The following HYDIN variants were observed in gnomAD, a reference collection of about 807,000 sequenced individuals.
HYDIN encodes the protein axonemal central pair apparatus protein HYDIN.
A neutral mutation model predicts 403.9 loss-of-function variants in HYDIN; 132 were observed. The observed-to-expected ratio is 0.33, with a 90% CI of 0.28 to 0.38. The LOEUF is 0.38. HYDIN is among the 10% of genes least tolerant of loss of function. The pLI is 1.00. For missense variants in HYDIN, 2,827 were observed against 5,009.5 expected (o/e 0.56, Z 13.15); for synonymous variants, 1,202 against 1,891.7 (o/e 0.64, Z 9.46).
intron 28 of HYDIN, among the ~76,000 whole-genome samples, chr16:70,982,020 C>T (rs574417622): frequency 3.3e-5 from 5 of 149,450 alleles, no homozygotes; most frequent in South Asian, 4.3e-4. Flanking sequence ...CCCAGCTACT[C>T]GGGAGGCTGA....
chr16:70,836,287 T>A (rs2037421041), intron 77 of HYDIN, among the ~76,000 whole-genome samples: 1 of 152,120 alleles, frequency 6.6e-6, no homozygotes, highest in Non-Finnish European at 1.5e-5. Flanking sequence ...GGCCTGAGGC[T>A]GGGAGCTAGG....
intron 10 of HYDIN, among the ~76,000 whole-genome samples, chr16:71,104,236 A>G (rs1259326217): frequency 1.3e-5 from 2 of 151,992 alleles, no homozygotes; most frequent in Non-Finnish European, 2.9e-5. Flanking sequence ...GGATTCTGAT[A>G]CAGATTCTCT....
At chr16:70,902,819 ATATT>A (rs1467325327) in intron 52 of HYDIN, among the ~76,000 whole-genome samples, 3 of 17,208 alleles carry the variant, frequency 1.7e-4, no homozygotes, top group East Asian at 1.4e-3. Flanking sequence ...ATATATATAT[ATATT>A]TTTTTTTTTT....
chr16:71,163,537 G>A (rs7193691), intron 5 of HYDIN, among the ~76,000 whole-genome samples: 60 of 150,964 alleles, frequency 4.0e-4, no homozygotes, highest in African/African-American at 1.4e-3. Flanking sequence ...CAAGGTGGCC[G>A]AAGTTATGCT....
intron 8 of HYDIN, among the ~76,000 whole-genome samples, chr16:71,133,443 A>G (rs553094370): frequency 6.4e-4 from 97 of 152,358 alleles, no homozygotes; most frequent in African/African-American, 2.3e-3. Flanking sequence ...TCTAAACATA[A>G]CTGAGATTAA....
intron 10 of HYDIN, among the ~76,000 whole-genome samples, chr16:71,104,072 T>C (rs1398172997): frequency 6.6e-6 from 1 of 151,964 alleles, no homozygotes; most frequent in Admixed American, 6.6e-5. Context: ...GTCCTCTGTA[T>C]AGATCTCATA....
chr16:70,941,564 G>C, intron 43 of HYDIN, 72 bp downstream of exon 43: 7 of 1,193,064 alleles, frequency 5.9e-6, no homozygotes, highest in African/African-American at 1.6e-5. Flanking sequence ...TTACAGGGCA[G>C]AGGTGAGGCG....
At chr16:71,187,334 A>G (rs1306195106) in intron 1 of HYDIN, among the ~76,000 whole-genome samples, 1 of 152,214 alleles carries the variant, frequency 6.6e-6, no homozygotes, top group Non-Finnish European at 1.5e-5. Context: ...AGGGCTTCAC[A>G]GCTGGACAGA....
At chr16:71,174,068 T>A (rs2086570444) in intron 5 of HYDIN, among the ~76,000 whole-genome samples, 1 of 152,176 alleles carries the variant, frequency 6.6e-6, no homozygotes, top group Non-Finnish European at 1.5e-5. Flanking sequence ...AATGAGGACT[T>A]CAACAATATG....
At chr16:70,841,837 A>T (rs28371780) in intron 75 of HYDIN, among the ~76,000 whole-genome samples, 3,606 of 151,092 alleles carry the variant, frequency 0.024, 130 homozygotes, top group African/African-American at 0.083. Context: ...TTGATATTGA[A>T]CTTCCCAGGG....
At chr16:71,172,096 T>C (rs1275508713) in intron 5 of HYDIN, among the ~76,000 whole-genome samples, 1 of 152,252 alleles carries the variant, frequency 6.6e-6, no homozygotes, top group East Asian at 1.9e-4. Flanking sequence ...ATTATTATTG[T>C]ATACATAGAT....
At chr16:70,878,377 G>A (rs1391072651) in intron 62 of HYDIN, among the ~76,000 whole-genome samples, 5 of 141,140 alleles carry the variant, frequency 3.5e-5, no homozygotes, top group Non-Finnish European at 1.5e-5. Flanking sequence ...AAATACAGAT[G>A]GAAAATTGGA....
At chr16:71,227,942 G>A (rs1205002302) in intron 1 of HYDIN, among the ~76,000 whole-genome samples, 3 of 152,216 alleles carry the variant, frequency 2.0e-5, no homozygotes, top group East Asian at 3.9e-4. Flanking sequence ...AAAACAGCAT[G>A]GCACTGGTAC....
chr16:70,908,572 T>C, intron 48 of HYDIN, 81 bp downstream of exon 48: 1 of 1,505,640 alleles, frequency 6.6e-7, no homozygotes, highest in Non-Finnish European at 9.0e-7. Flanking sequence ...ACAGCTCTGT[T>C]CCCCTCCAGT....
chr16:70,820,178 TTC>T (rs1555534931), intron 83 of HYDIN, among the ~76,000 whole-genome samples: 2 of 148,062 alleles, frequency 1.4e-5, no homozygotes, highest in South Asian at 2.1e-4. Flanking sequence ...TGATTTTTTT[TTC>T]TTTTTTCTTT....
intron 11 of HYDIN, among the ~76,000 whole-genome samples, chr16:71,092,592 T>G (rs1298807090): frequency 6.6e-6 from 1 of 152,018 alleles, no homozygotes; most frequent in Non-Finnish European, 1.5e-5. Flanking sequence ...GTTTTTTTGT[T>G]TTTTTTGAGA....
At chr16:70,923,767 G>A (rs1165073840) in intron 45 of HYDIN, among the ~76,000 whole-genome samples, 1 of 148,740 alleles carries the variant, frequency 6.7e-6, no homozygotes, top group Non-Finnish European at 1.5e-5. Flanking sequence ...CTTGCAGTGA[G>A]CCGAGATCAT....
intron 10 of HYDIN, among the ~76,000 whole-genome samples, chr16:71,106,222 C>T (rs1230067249): frequency 6.6e-6 from 1 of 151,556 alleles, no homozygotes. Flanking sequence ...TAAGAACTTG[C>T]AATTCTTTGC....
rs190812465 is a variant in HYDIN at position 70,892,391 on chromosome 16, C to T, written c.9387G>A (p.Lys3129=). ...QVFFHAKKEV[K]IEHQPVLRCQ... ...AGCGCAGAACAGGCTGGTGCTCAAT[C>T]TTCACTTCCTTTTTTGCATGGAAGA... Residue 3129 remains lysine, a synonymous_variant, in exon 56 of 86, where the codon AAG becomes AAA. Transcript: ENST00000393567. 403 of 1,573,758 alleles carry T rather than the reference C, an allele frequency of 2.6e-4. 1 individual carries two copies. The African/African-American group carries it at 4.9e-3, about 19-fold the overall frequency.
Sources: gnomAD v4.1 joint callset for allele counts (sites outside exome capture counted in the v4.1 genomes callset) on GRCh38, gnomAD v4.1.1 for gene constraint, MANE v1.5 for transcripts, NCBI Gene and HGNC (gene_info 2026-07-23, HGNC 2026-07-21) for gene names.